Variants in KIAA0586 observed in about 807,000 individuals in gnomAD.
KIAA0586 encodes protein TALPID3.
In KIAA0586, 144 loss-of-function variants were observed where a neutral mutation model predicts 169.8. That is an observed-to-expected ratio of 0.85 (90% CI 0.74 to 0.97). KIAA0586 has a LOEUF of 0.97. Ranked by LOEUF, KIAA0586 falls within the 50% of genes least tolerant of loss-of-function variation. The pLI, the probability that KIAA0586 is intolerant of heterozygous loss-of-function variation, is 0.00. For synonymous variants in KIAA0586, 625 were observed against 612.4 expected (o/e 1.02, Z -0.30); for missense variants, 1,854 against 1,823.0 (o/e 1.02, Z -0.31).
At chr14:58,487,251 G>A (rs2042520616) in intron 22 of KIAA0586, 85 bp downstream of exon 22, 1 of 1,133,698 alleles carries the variant, frequency 8.8e-7, no homozygotes, top group Non-Finnish European at 1.2e-6. Context: ...TGCTTACTAG[G>A]TTTTAGTAAA....
intron 14 of KIAA0586, 141 bp downstream of exon 14, chr14:58,461,301 C>G (rs774273594): frequency 3.1e-5 from 16 of 516,822 alleles, no homozygotes; most frequent in Non-Finnish European, 5.1e-5. Flanking sequence ...AATAATTCCT[C>G]TTAGGAGAGG....
At chr14:58,459,701 G>T in intron 12 of KIAA0586, 142 bp from the exon 13 acceptor site, 1 of 451,650 alleles carries the variant, frequency 2.2e-6, no homozygotes, top group Non-Finnish European at 3.8e-6. Context: ...ATCCAATAAA[G>T]CCAATATCCT....
chr14:58,444,036 G>A lies in KIAA0586; in HGVS notation c.668G>A (p.Arg223His), dbSNP rs779062959. ...CAGGAGACTGATAAACACCTGCAACGTGTTACAGAGCAGCAAACAAGCATT... is the reference window on the plus strand; with the variant it reads ...CAGGAGACTGATAAACACCTGCAACATGTTACAGAGCAGCAAACAAGCATT... Reference protein sequence around the residue: ...KLQETDKHLQRVTEQQTSIQR... With the variant: ...KLQETDKHLQHVTEQQTSIQR... The change falls in exon 6 of 31, where the codon CGT becomes CAT. Residue 223 changes from arginine (R) to histidine (H), a missense_variant. By Grantham distance (29) the Arg-to-His change is conservative. Transcript: ENST00000652326. The A allele has an allele frequency of 1.8e-5, 29 of 1,612,162 alleles. No individual in the cohort carries two copies. The highest frequency in any genetic ancestry group is 8.9e-5 in the East Asian group (4 of 44,860).
Position 58,521,642 on chromosome 14 carries a change from G to A in KIAA0586, c.4429+9015G>A, listed in dbSNP as rs1422422500. Reference sequence around the variant, plus strand: ...ATCTTCCAAGTCTGGAAAGTTGAAAGGAGATGACCTTCAGGCCATTAAGAA... The same window carrying A: ...ATCTTCCAAGTCTGGAAAGTTGAAAAGAGATGACCTTCAGGCCATTAAGAA... On this transcript the variant is annotated intron_variant, in intron 29 of 30. Transcript: ENST00000652326. The A allele has an allele frequency of 6.7e-6, 7 of 1,042,968 alleles. No individual in the cohort carries two copies. In the African/African-American group the frequency reaches 9.4e-5, roughly 14 times the overall value. The allele number at this position is 1,042,968 out of a possible 1,614,324, so 64.6% of individuals were successfully genotyped here. A position where few individuals can be genotyped will look rare whatever the true frequency, so the allele number is the denominator to read the frequency against.
At chr14:58,518,279 A>ATAT (rs2044911709) in intron 29 of KIAA0586, among the ~76,000 whole-genome samples, 1 of 152,150 alleles carries the variant, frequency 6.6e-6, no homozygotes, top group Non-Finnish European at 1.5e-5. Context: ...TCTTTTTCTT[A>ATAT]TATTAACACT....
rs1356132325 is a variant in KIAA0586 at position 58,459,965 on chromosome 14, A to G, written c.1779A>G (p.Lys593=). Residue 593 remains lysine (K), a synonymous_variant, in exon 13 of 31, where the codon AAA becomes AAG. Coordinates refer to ENST00000652326, the MANE Select transcript of KIAA0586 (RefSeq NM_001329943.3). ...ACACACAAGATAAAACTGTCAACAA[A>G]TCTGTAATTCCAAGAAAACATTCTC... ...RTNTQDKTVN[K]SVIPRKHSQK... 4 of 1,534,192 alleles carry G rather than the reference A, an allele frequency of 2.6e-6. No individual in the cohort carries two copies. In the Admixed American group the frequency reaches 7.8e-5, roughly 30 times the overall value.
intron 28 of KIAA0586, 86 bp downstream of exon 28, chr14:58,508,795 C>A: frequency 1.0e-6 from 1 of 994,286 alleles, no homozygotes; most frequent in Non-Finnish European, 1.5e-6. Context: ...AAGAGCCAAG[C>A]CTCTGGAGTC....
chr14:58,519,635 C>T (rs1595466480), intron 29 of KIAA0586, among the ~76,000 whole-genome samples: 1 of 152,138 alleles, frequency 6.6e-6, no homozygotes, highest in Non-Finnish European at 1.5e-5. Flanking sequence ...TTTATCATCT[C>T]TATATTTCCA....
chr14:58,558,818 G>A, the KIAA0586 span, among the ~76,000 whole-genome samples: 1 of 152,200 alleles, frequency 6.6e-6, no homozygotes, highest in Non-Finnish European at 1.5e-5. Context: ...AGCATTGCAA[G>A]GACCGGTACA....
chr14:58,477,442 C>G (rs1414535490), intron 20 of KIAA0586, among the ~76,000 whole-genome samples: 4 of 152,134 alleles, frequency 2.6e-5, no homozygotes, highest in African/African-American at 9.7e-5. Context: ...GATTATTAAA[C>G]CACTCTTCAT....
chr14:58,510,321 A>T (rs1174319747), intron 28 of KIAA0586, among the ~76,000 whole-genome samples: 26 of 152,202 alleles, frequency 1.7e-4, no homozygotes, highest in Admixed American at 1.6e-3. Context: ...GTGAGCCAAG[A>T]TCTCGCCACT....
chr14:58,536,664 T>C (rs1467786541), intron 29 of KIAA0586, among the ~76,000 whole-genome samples: 1 of 152,208 alleles, frequency 6.6e-6, no homozygotes, highest in African/African-American at 2.4e-5. Flanking sequence ...GCACAGTGTG[T>C]ACAAGTAGTG....
intron 26 of KIAA0586, among the ~76,000 whole-genome samples, chr14:58,496,280 C>G (rs1202329456): frequency 6.6e-6 from 1 of 152,160 alleles, no homozygotes; most frequent in African/African-American, 2.4e-5. Context: ...CTCAGAGATA[C>G]TTATGAGTAT....
intron 29 of KIAA0586, among the ~76,000 whole-genome samples, chr14:58,522,271 T>C (rs1320444672): frequency 1.3e-5 from 2 of 152,268 alleles, no homozygotes; most frequent in Non-Finnish European, 2.9e-5. Flanking sequence ...TATGTGGTTT[T>C]TATTAACTGT....
At chr14:58,482,737 A>C in intron 21 of KIAA0586, 25 bp downstream of exon 21, 1 of 1,484,566 alleles carries the variant, frequency 6.7e-7, no homozygotes, top group Non-Finnish European at 9.1e-7. Flanking sequence ...TGAGACATTT[A>C]TTGAAGAATA....
Position 58,458,477 on chromosome 14 carries a change from A to C in KIAA0586, c.1588A>C (p.Met530Leu). ...LINALSTNREMSEKIRIRKTV... is the reference protein window; with the variant it reads ...LINALSTNRELSEKIRIRKTV... ...ATTCCTTTTTCTCTTTTATAGAGAG[A>C]TGTCAGAGAAAATTAGGATCAGAAA... The change falls in exon 12 of 31, where the codon ATG becomes CTG. Residue 530 changes from methionine to leucine, a missense_variant. Transcript: ENST00000652326. 6.6e-7 allele frequency: 1 copy of C among 1,518,514 alleles called. No individual in the cohort carries two copies. The highest frequency in any genetic ancestry group is 1.4e-5 in the African/African-American group (1 of 72,494). 94.1% of individuals were successfully genotyped at this position (1,518,514 alleles called of 1,614,324 possible). A position where few individuals can be genotyped will look rare whatever the true frequency, so the allele number is the denominator to read the frequency against.
rs562740755 is a variant in KIAA0586 at position 58,526,403 on chromosome 14, A to G, written c.4430-13668A>G. Among the ~76,000 whole-genome samples the G allele has an allele frequency of 5.3e-5, 8 of 152,296 alleles. No individual in the cohort carries two copies. In the South Asian group the frequency reaches 1.7e-3, roughly 32 times the overall value. ...TGCTGTTTGGCAGACTCTGCTGGTA[A>G]TACCCAAGCAAACAGGGTCTAGAGT... On this transcript the variant is annotated intron_variant, in intron 29 of 30. Coordinates refer to ENST00000652326, the MANE Select transcript of KIAA0586 (RefSeq NM_001329943.3).
Position 58,453,331 on chromosome 14 carries a change from T to C in KIAA0586, c.1130-19T>C, listed in dbSNP as rs1212280386. The C allele has an allele frequency of 4.2e-6, 5 of 1,180,538 alleles. No individual in the cohort carries two copies. The highest frequency in any genetic ancestry group is 1.6e-5 in the South Asian group (1 of 63,754). The allele number at this position is 1,180,538 out of a possible 1,614,324, so 73.1% of individuals were successfully genotyped here. ...TGAATTAGTATTTGGAAAATGATAC[T>C]ATATCTCTTCTATTTCAGGAAATGT... On this transcript the variant is annotated intron_variant, in intron 8 of 30. Transcript: ENST00000652326.
At chr14:58,540,931 T>G (rs981601270) in intron 30 of KIAA0586, among the ~76,000 whole-genome samples, 2 of 152,210 alleles carry the variant, frequency 1.3e-5, no homozygotes, top group Non-Finnish European at 2.9e-5. Context: ...GGGTTAAGTA[T>G]GTGAGGAGAA....
Sources: gnomAD v4.1 joint callset for allele counts (sites outside exome capture counted in the v4.1 genomes callset) on GRCh38, gnomAD v4.1.1 for gene constraint, MANE v1.5 for transcripts, NCBI Gene and HGNC (gene_info 2026-07-23, HGNC 2026-07-21) for gene names.